The following SASH1 variants were observed in gnomAD, a reference collection of about 807,000 sequenced individuals.
The protein encoded by SASH1 is SAM and SH3 domain containing 1.
A neutral mutation model predicts 125.2 loss-of-function variants in SASH1; 44 were observed. That is an observed-to-expected ratio of 0.35 (90% CI 0.28 to 0.45). The LOEUF (loss-of-function observed/expected upper bound fraction) is 0.45, where lower values mean the gene tolerates loss of function less well. SASH1 is among the 20% of genes least tolerant of loss of function. The pLI, the probability that SASH1 is intolerant of heterozygous loss-of-function variation, is 1.00. For synonymous variants in SASH1, 639 were observed against 649.1 expected, an observed-to-expected ratio of 0.98 and a Z score of 0.24; for missense variants, 1,426 against 1,614.5, an observed-to-expected ratio of 0.88 and a Z score of 2.00.
intron 10 of SASH1, among the ~76,000 whole-genome samples, chr6:148,520,672 C>A (rs1486308294): frequency 6.6e-6 from 1 of 152,002 alleles, no homozygotes; most frequent in East Asian, 1.9e-4. Context: ...GGGGTTTGGC[C>A]GCCTCCAGGA....
intron 2 of SASH1, among the ~76,000 whole-genome samples, chr6:148,402,808 A>G (rs2114874849): frequency 6.8e-6 from 1 of 147,572 alleles, no homozygotes; most frequent in Admixed American, 6.8e-5. Context: ...ACAGGGTTTC[A>G]CCATGTTAGC....
At chr6:148,474,266 T>C (rs1314923692) in intron 7 of SASH1, 44 bp downstream of exon 7, 6 of 1,244,802 alleles carry the variant, frequency 4.8e-6, no homozygotes, top group Non-Finnish European at 6.9e-6. Context: ...GGACTTGACT[T>C]TCTGAAGTGT....
At chr6:148,525,450 G>A (rs1781087506) in intron 11 of SASH1, 85 bp downstream of exon 11, 5 of 1,090,340 alleles carry the variant, frequency 4.6e-6, no homozygotes, top group African/African-American at 3.1e-5. Flanking sequence ...TTTGAGAATT[G>A]ATACTGGGTA....
intron 10 of SASH1, 73 bp from the exon 11 acceptor site, chr6:148,525,218 A>G (rs1781071110): frequency 1.0e-6 from 1 of 994,618 alleles, no homozygotes; most frequent in Non-Finnish European, 1.6e-6. Context: ...GCAAACGGGG[A>G]CTGCTGGGTT....
chr6:148,533,105 C>G lies in SASH1; in HGVS notation c.1734+139C>G. The G allele has an allele frequency of 1.1e-6, 1 of 930,500 alleles. No individual in the cohort carries two copies. The highest frequency in any genetic ancestry group is 2.8e-4 in the Middle Eastern group (1 of 3,614). The allele number at this position is 930,500 out of a possible 1,614,324, so 57.6% of individuals were successfully genotyped here. On this transcript the variant is annotated intron_variant, in intron 14 of 19. Coordinates refer to ENST00000367467, the MANE Select transcript of SASH1 (RefSeq NM_015278.5). This position sits in a 1 kb window ranked among gnomAD's most constrained non-coding sequence, Gnocchi z 6.2. ...TCTTGGCTACCTCGATCACTGGTCT[C>G]CTCTGTAGTGAAAAACAGAACAAGA... is the stretch of plus-strand genomic sequence containing the variant.
intron 1 of SASH1, among the ~76,000 whole-genome samples, chr6:148,311,073 C>T (rs1347142324): frequency 1.3e-5 from 2 of 151,834 alleles, no homozygotes; most frequent in Non-Finnish European, 2.9e-5. Flanking sequence ...ACCACCACAC[C>T]TAAGCTTCTT....
chr6:148,415,276 A>G (rs914661648), intron 2 of SASH1, among the ~76,000 whole-genome samples: 9 of 152,172 alleles, frequency 5.9e-5, no homozygotes, highest in African/African-American at 2.2e-4. Context: ...GATTACTCTA[A>G]AGGGGCCTGG....
chr6:148,326,422 T>TCTTTTTTTTTTTTTTA (rs1780831926), intron 1 of SASH1, among the ~76,000 whole-genome samples: 1 of 139,082 alleles, frequency 7.2e-6, no homozygotes, highest in Non-Finnish European at 1.5e-5. Flanking sequence ...TTCTTTTTTT[T>TCTTTTTTTTTTTTTTA]GAGACAGGGT....
intron 1 of SASH1, among the ~76,000 whole-genome samples, chr6:148,279,157 A>G (rs2128504936): frequency 1.3e-5 from 2 of 152,136 alleles, no homozygotes; most frequent in Non-Finnish European, 2.9e-5. Context: ...ATGCCCGGCT[A>G]ATTTTTTGTA....
the SASH1 span, among the ~76,000 whole-genome samples, chr6:148,205,256 G>A: frequency 5.2e-4 from 79 of 152,208 alleles, no homozygotes; most frequent in Non-Finnish European, 8.7e-4. Context: ...ACTCTCCTTC[G>A]ACTTGAAATG....
chr6:148,286,284 C>G (rs189098134), intron 1 of SASH1, among the ~76,000 whole-genome samples: 2 of 151,968 alleles, frequency 1.3e-5, no homozygotes, highest in East Asian at 3.9e-4. Context: ...GCTTGTAGTC[C>G]CAGCTACTCG....
rs2115351681 is a variant in SASH1, at chr6:148,519,797, ATTC to A, written c.1118_1120del (p.Phe373del). 6.2e-7 allele frequency: 1 copy of A among 1,613,924 alleles called. No homozygotes were observed. ...TTAAGCCCCCCAAGAAGATGGGGAC[ATTC>A]TTCTCCTACCCAGAAGAAGAAAAGG... On this transcript the variant is annotated inframe_deletion, in exon 10 of 20. Coordinates refer to ENST00000367467, the MANE Select transcript of SASH1 (RefSeq NM_015278.5). This position sits in a 1 kb window ranked among gnomAD's most constrained non-coding sequence, Gnocchi z 4.8.
the SASH1 span, among the ~76,000 whole-genome samples, chr6:148,194,390 T>C: frequency 6.6e-6 from 1 of 152,260 alleles, no homozygotes; most frequent in Non-Finnish European, 1.5e-5. Context: ...TTTTGTTTTC[T>C]CCTTTCTAAT....
At chr6:148,490,852 C>A (rs1779079009) in intron 8 of SASH1, among the ~76,000 whole-genome samples, 1 of 152,190 alleles carries the variant, frequency 6.6e-6, no homozygotes, top group Non-Finnish European at 1.5e-5. Flanking sequence ...TATCTCCACA[C>A]CCAATAGCCT....
chr6:148,307,093 T>TC (rs1491204708), intron 1 of SASH1, among the ~76,000 whole-genome samples: 52 of 148,778 alleles, frequency 3.5e-4, no homozygotes, highest in African/African-American at 1.2e-3. Flanking sequence ...TCTTTCTTTC[T>TC]TTCTCTCTCT....
the SASH1 span, among the ~76,000 whole-genome samples, chr6:148,257,628 CTTTTTTTTTT>C: frequency 7.9e-6 from 1 of 127,134 alleles, no homozygotes; most frequent in African/African-American, 3.0e-5. Flanking sequence ...TGTCAGTTTA[CTTTTTTTTTT>C]TTTTTTTTTT....
At chr6:148,515,776 G>A (rs1479191867) in intron 9 of SASH1, among the ~76,000 whole-genome samples, 1 of 152,190 alleles carries the variant, frequency 6.6e-6, no homozygotes, top group East Asian at 1.9e-4. Flanking sequence ...AGTTGGTACT[G>A]TTGGGGGAAC....
the SASH1 span, among the ~76,000 whole-genome samples, chr6:148,253,629 T>C: frequency 6.6e-6 from 1 of 152,142 alleles, no homozygotes; most frequent in African/African-American, 2.4e-5. Context: ...TCCCAGCACT[T>C]TGGGAGGCCA....
chr6:148,470,585 T>C (rs1252118776), intron 5 of SASH1, among the ~76,000 whole-genome samples: 1 of 152,170 alleles, frequency 6.6e-6, no homozygotes, highest in Admixed American at 6.5e-5. Context: ...TTTAAAAAGG[T>C]ATTACGTGTT....
Sources: allele counts gnomAD v4.1 joint callset (sites outside exome capture counted in the v4.1 genomes callset), GRCh38; gene constraint gnomAD v4.1.1; non-coding constraint Gnocchi (gnomAD v3.1); transcripts MANE v1.5; gene names NCBI Gene and HGNC (gene_info 2026-07-23, HGNC 2026-07-21).